The following EIF5B variants were observed in gnomAD, a reference collection of about 807,000 sequenced individuals.
EIF5B encodes eukaryotic translation initiation factor 5B, also known as eIF-5B.
EIF5B carries 47 observed loss-of-function variants against 147.5 expected under a neutral mutation model. That is an observed-to-expected ratio of 0.32 (90% CI 0.25 to 0.41). The LOEUF is 0.41. Among genes scored for constraint, EIF5B ranks in the 10% least tolerant of loss-of-function variants. The probability of loss-of-function intolerance (pLI) is 1.00; values close to 1 mark genes in which losing one functional copy is unlikely to be tolerated. For synonymous variants in EIF5B, 455 were observed against 456.2 expected (o/e 1.00, Z 0.03); for missense variants, 1,064 against 1,413.2 (o/e 0.75, Z 3.96).
rs2094245288 is a variant in EIF5B, at chr2:99,337,410, A to G, written c.-145A>G. On this transcript the variant is annotated 5_prime_UTR_variant, in exon 1 of 24. Transcript: ENST00000289371. ...ACTCACACCATATGTGTCCTGTTCCAGTGCGCGGGTCTGTGGAGAGCCGGG... is the reference window on the plus strand; with the variant it reads ...ACTCACACCATATGTGTCCTGTTCCGGTGCGCGGGTCTGTGGAGAGCCGGG... 6.1e-6 allele frequency: 6 copies of G among 981,572 alleles called. No individual in the cohort carries two copies. The highest frequency in any genetic ancestry group is 2.6e-5 in the East Asian group (1 of 38,128). 60.8% of individuals were successfully genotyped at this position (981,572 alleles called of 1,614,324 possible).
At chr2:99,376,713 G>A (rs10179343) in intron 10 of EIF5B, 77 bp downstream of exon 10, 196,046 of 1,488,696 alleles carry the variant, frequency 0.13, 14,740 homozygotes, top group African/African-American at 0.27. Flanking sequence ...ACAACTAAAG[G>A]CTTTGAACAG....
chr2:99,360,602 C>T, intron 3 of EIF5B, 53 bp downstream of exon 3: 1 of 1,560,318 alleles, frequency 6.4e-7, no homozygotes, highest in South Asian at 1.2e-5. Context: ...ATTCTTTCTT[C>T]TTAATGTTGG....
At chr2:99,385,826 T>C (rs1179738158) in intron 14 of EIF5B, among the ~76,000 whole-genome samples, 1 of 152,212 alleles carries the variant, frequency 6.6e-6, no homozygotes, top group Non-Finnish European at 1.5e-5. Context: ...ATTCAGAACA[T>C]AGACCATCTC....
chr2:99,396,950 T>C, intron 22 of EIF5B, 52 bp downstream of exon 22: 1 of 1,555,452 alleles, frequency 6.4e-7, no homozygotes, highest in Non-Finnish European at 8.7e-7. Flanking sequence ...ACTAAATGAG[T>C]GTCCAAGAGT....
chr2:99,396,995 T>G (rs1158166078), intron 22 of EIF5B, 97 bp downstream of exon 22: 1 of 1,367,976 alleles, frequency 7.3e-7, no homozygotes, highest in Non-Finnish European at 9.7e-7. Context: ...TAGTTCACAG[T>G]ACTGTGCTGT....
intron 1 of EIF5B, among the ~76,000 whole-genome samples, chr2:99,349,272 A>G (rs2094279236): frequency 6.6e-6 from 1 of 152,144 alleles, no homozygotes; most frequent in Admixed American, 6.6e-5. Context: ...AGAGGTTGGT[A>G]AAAAGGAGTC....
At chr2:99,376,767 A>G (rs1435714762) in intron 10 of EIF5B, 131 bp downstream of exon 10, 1 of 1,369,226 alleles carries the variant, frequency 7.3e-7, no homozygotes, top group Non-Finnish European at 9.5e-7. Context: ...CAGTTTTTGT[A>G]ATGTTGAAAT....
intron 6 of EIF5B, among the ~76,000 whole-genome samples, chr2:99,366,695 G>A (rs1479276820): frequency 6.6e-6 from 1 of 151,910 alleles, no homozygotes; most frequent in African/African-American, 2.4e-5. Context: ...TTCAATCCCA[G>A]TCAAAATCAC....
chr2:99,399,333 C>T lies in EIF5B; in HGVS notation c.3582C>T (p.Leu1194=). The change falls in exon 24 of 24, where the codon CTC becomes CTT. Residue 1194 remains leucine, a synonymous_variant. Transcript: ENST00000289371. ...TCAGCCGGCAGTCCATTGATGCACT[C>T]AAAGACTGGTTCAGAGATGAAATGC... is the stretch of plus-strand genomic sequence containing the variant. ...SKISRQSIDA[L]KDWFRDEMQK... 1 of 1,614,068 alleles carries T rather than the reference C, an allele frequency of 6.2e-7. No individual in the cohort carries two copies. The highest frequency in any genetic ancestry group is 1.6e-4 in the Middle Eastern group (1 of 6,062).
intron 1 of EIF5B, among the ~76,000 whole-genome samples, chr2:99,348,068 T>C (rs1219881909): frequency 6.6e-6 from 1 of 152,198 alleles, no homozygotes; most frequent in African/African-American, 2.4e-5. Flanking sequence ...ATAATACATA[T>C]GAACTTAGGG....
rs751396071 is a variant in EIF5B, at chr2:99,361,401, A to G, written c.500A>G (p.Asp167Gly). The stretch of plus-strand genomic sequence containing the variant: ...AAGAAGTGGGATGGGTCAGAGGAGG[A>G]TGAGGATAACAGTAAAAAAATTAAA... ...SNKKWDGSEE[D>G]EDNSKKIKER... Residue 167 changes from aspartate (D) to glycine (G), a missense_variant, in exon 4 of 24, where the codon GAT (aspartate) becomes GGT (glycine). This residue lies in a region of EIF5B where 458 missense variants were observed against 451.3 expected (regional missense o/e 1.01). Coordinates refer to ENST00000289371, the MANE Select transcript of EIF5B (RefSeq NM_015904.4). 5 of 1,613,800 alleles carry G rather than the reference A, an allele frequency of 3.1e-6. No homozygotes were observed. The African/African-American group carries it at 6.7e-5, about 22-fold the overall frequency.
chr2:99,396,697 A>C, intron 21 of EIF5B, 63 bp from the exon 22 acceptor site: 1 of 1,523,908 alleles, frequency 6.6e-7, no homozygotes, highest in Non-Finnish European at 8.8e-7. Context: ...GTTCAGCTGC[A>C]GTTTTTCTTT....
Position 99,399,505 on chromosome 2 carries a change from T to G in EIF5B, c.*91T>G, listed in dbSNP as rs1379901412. ...AGACAAAAAATGGAACAGACGTATT[T>G]GGACACTGATGGACTTAAGTATGGA... On this transcript the variant is annotated 3_prime_UTR_variant, in exon 24 of 24. Transcript: ENST00000289371. 9.0e-7 allele frequency: 1 copy of G among 1,113,350 alleles called. No individual in the cohort carries two copies. Among genetic ancestry groups the G allele is most frequent in the East Asian group, 2.5e-5 (1 of 39,548 alleles). The allele number at this position is 1,113,350 out of a possible 1,614,324, so 69.0% of individuals were successfully genotyped here. A position where few individuals can be genotyped will look rare whatever the true frequency, so the allele number is the denominator to read the frequency against.
At chr2:99,342,753 T>A (rs1300042913) in intron 1 of EIF5B, among the ~76,000 whole-genome samples, 2 of 151,992 alleles carry the variant, frequency 1.3e-5, no homozygotes, top group East Asian at 1.9e-4. Context: ...CTCCTCAGCC[T>A]CCCCAGTAGC....
rs562742041 is a variant in EIF5B, at chr2:99,363,772, T to C, written c.1047T>C (p.Ala349=). 6.2e-7 allele frequency: 1 copy of C among 1,613,990 alleles called. No homozygotes were observed. Among genetic ancestry groups the C allele is most frequent in the East Asian group, 2.2e-5 (1 of 44,864 alleles). ...TTAAAGCTATGCAAGAAGCTCTGGC[T>C]AAGCTTAAAGAGGAAGAAGAAAGAC... is the stretch of plus-strand genomic sequence containing the variant. ...ATVKAMQEAL[A]KLKEEEERQK... The change falls in exon 5 of 24, where the codon GCT becomes GCC. Residue 349 remains alanine (A), a synonymous_variant. Coordinates refer to ENST00000289371, the MANE Select transcript of EIF5B (RefSeq NM_015904.4).
intron 1 of EIF5B, among the ~76,000 whole-genome samples, chr2:99,356,659 GTGTT>G (rs1674102304): frequency 6.6e-6 from 1 of 152,064 alleles, no homozygotes; most frequent in Non-Finnish European, 1.5e-5. Context: ...TCTTGTTTGT[GTGTT>G]TGTTTTTTGT....
At chr2:99,379,159 T>C in intron 11 of EIF5B, 33 bp downstream of exon 11, 1 of 1,536,746 alleles carries the variant, frequency 6.5e-7, no homozygotes. Context: ...GATAGAACTT[T>C]GAAAATAAGT....
In EIF5B at chr2:99,376,549, A is replaced by G; in HGVS notation, c.1755A>G (p.Lys585=). 2 of 1,614,126 alleles carry G rather than the reference A, an allele frequency of 1.2e-6. No individual in the cohort carries two copies. The highest frequency in any genetic ancestry group is 1.7e-6 in the Non-Finnish European group (2 of 1,180,000). ...AGACATTAGATAAAAAGCCAAGTAA[A>G]GAAATGAGCTCAGATTCTGAATATG... The part of the protein sequence containing the change: ...SGKTLDKKPS[K]EMSSDSEYDS... The change falls in exon 10 of 24, where the codon AAA becomes AAG. Residue 585 remains lysine, a synonymous_variant. Transcript: ENST00000289371.
intron 6 of EIF5B, among the ~76,000 whole-genome samples, chr2:99,366,383 G>A (rs1340797616): frequency 6.6e-6 from 1 of 152,272 alleles, no homozygotes; most frequent in East Asian, 1.9e-4. Context: ...TAGGCTGCTA[G>A]GCAAGGAAAA....
Sources: gnomAD v4.1 joint callset for allele counts (sites outside exome capture counted in the v4.1 genomes callset) on GRCh38, gnomAD v4.1.1 for gene constraint, gnomAD v4.1.1 regional missense constraint, MANE v1.5 for transcripts, NCBI Gene and HGNC (gene_info 2026-07-23, HGNC 2026-07-21) for gene names.